Variants in ASTN2 observed in about 807,000 individuals in gnomAD.
ASTN2 encodes the protein astrotactin 2.
In ASTN2, 54 loss-of-function variants were observed where a neutral mutation model predicts 139.8. That is an observed-to-expected ratio of 0.39 (90% CI 0.31 to 0.48). ASTN2 has a LOEUF of 0.48. Ranked by LOEUF, ASTN2 falls within the 20% of genes least tolerant of loss-of-function variation. The probability of loss-of-function intolerance (pLI) is 0.95; values close to 1 mark genes in which losing one functional copy is unlikely to be tolerated. For missense variants in ASTN2, 1,565 were observed against 1,725.1 expected (o/e 0.91, Z 1.64); for synonymous variants, 756 against 719.5 (o/e 1.05, Z -0.81).
At chr9:116,827,085 G>A (rs951043600) in intron 11 of ASTN2, among the ~76,000 whole-genome samples, 6 of 152,028 alleles carry the variant, frequency 3.9e-5, no homozygotes, top group East Asian at 1.9e-4. Context: ...TGAGGTGGGC[G>A]GATCACCTAA....
chr9:117,203,776 G>T (rs1312584883), intron 3 of ASTN2, among the ~76,000 whole-genome samples: 1 of 152,170 alleles, frequency 6.6e-6, no homozygotes, highest in African/African-American at 2.4e-5. Context: ...CCTGATGCCA[G>T]TAGGTTCGCT....
chr9:117,142,458 C>T (rs754658921), intron 3 of ASTN2, among the ~76,000 whole-genome samples: 2 of 152,136 alleles, frequency 1.3e-5, no homozygotes, highest in Admixed American at 6.6e-5. Context: ...AACATATACC[C>T]ATTTTATTGA....
Position 117,414,615 on chromosome 9 carries a change from A to C in ASTN2, c.324T>G (p.Pro108=). Residue 108 remains proline, a synonymous_variant, in exon 1 of 23, where the codon CCT becomes CCG. Coordinates refer to ENST00000313400, the MANE Select transcript of ASTN2 (RefSeq NM_001365068.1). This position sits in a 1 kb window ranked among gnomAD's most constrained non-coding sequence, Gnocchi z 4.2. ...AAAAAASPGS[P]GSAGTAAESR... ...ACTCGGCGGCGGTGCCGGCAGAGCC[A>C]GGAGAGCCCGGGGACGCGGCGGCGG... The C allele has an allele frequency of 6.5e-7, 1 of 1,537,666 alleles. No individual in the cohort carries two copies. Among genetic ancestry groups the C allele is most frequent in the Non-Finnish European group, 8.7e-7 (1 of 1,148,470 alleles).
chr9:116,476,240 C>T (rs1016157819), intron 20 of ASTN2, among the ~76,000 whole-genome samples: 15 of 152,162 alleles, frequency 9.9e-5, no homozygotes, highest in Non-Finnish European at 2.9e-5. Context: ...CTTCTCAGAG[C>T]GGCATCAGTC....
At chr9:117,003,983 G>T (rs564526359) in intron 7 of ASTN2, among the ~76,000 whole-genome samples, 1 of 145,396 alleles carries the variant, frequency 6.9e-6, no homozygotes, top group Non-Finnish European at 1.5e-5. Context: ...TGTGTTTTGC[G>T]TGTTGGGGTA....
At chr9:116,719,677 C>A (rs1344441839) in intron 16 of ASTN2, among the ~76,000 whole-genome samples, 1 of 151,974 alleles carries the variant, frequency 6.6e-6, no homozygotes, top group African/African-American at 2.4e-5. Flanking sequence ...GAGATCATGA[C>A]CATAGAAACA....
chr9:116,683,333 C>T (rs1190383133), intron 16 of ASTN2, among the ~76,000 whole-genome samples: 1 of 152,036 alleles, frequency 6.6e-6, no homozygotes, highest in Non-Finnish European at 1.5e-5. Flanking sequence ...TGGGAAACTT[C>T]TATAATTCTG....
intron 2 of ASTN2, among the ~76,000 whole-genome samples, chr9:117,288,093 C>G (rs961015478): frequency 1.3e-5 from 2 of 152,202 alleles, no homozygotes; most frequent in African/African-American, 4.8e-5. Context: ...ATCCTGCCAC[C>G]TGCACAGCTG....
chr9:116,474,851 G>C (rs910549264), intron 20 of ASTN2, among the ~76,000 whole-genome samples: 1 of 152,222 alleles, frequency 6.6e-6, no homozygotes, highest in Non-Finnish European at 1.5e-5. Context: ...GGTGGGGCTT[G>C]TGATCCCACT....
intron 2 of ASTN2, among the ~76,000 whole-genome samples, chr9:117,269,630 C>T (rs1226966286): frequency 2.0e-5 from 3 of 152,176 alleles, no homozygotes; most frequent in Non-Finnish European, 4.4e-5. Flanking sequence ...CACACTGGGA[C>T]CTACGAGAGC....
intron 2 of ASTN2, among the ~76,000 whole-genome samples, chr9:117,256,688 A>G (rs1248529198): frequency 6.6e-6 from 1 of 152,188 alleles, no homozygotes; most frequent in Non-Finnish European, 1.5e-5. Flanking sequence ...AAGAAGAAGA[A>G]ATAAAGGAGG....
At chr9:116,740,782 G>A (rs1267597576) in intron 13 of ASTN2, among the ~76,000 whole-genome samples, 2 of 151,454 alleles carry the variant, frequency 1.3e-5, no homozygotes, top group African/African-American at 4.9e-5. Flanking sequence ...TCAAAGTGCT[G>A]GGATTACAGG....
intron 6 of ASTN2, among the ~76,000 whole-genome samples, chr9:117,018,813 T>TG (rs1234253631): frequency 1.3e-5 from 2 of 152,042 alleles, no homozygotes; most frequent in Non-Finnish European, 2.9e-5. Context: ...AAAATGGGAT[T>TG]TTTTTTTACT....
intron 10 of ASTN2, among the ~76,000 whole-genome samples, chr9:116,888,902 T>C (rs1288283802): frequency 6.6e-6 from 1 of 152,172 alleles, no homozygotes; most frequent in African/African-American, 2.4e-5. Flanking sequence ...CCTGTGTCCA[T>C]GTGTTCTCAT....
intron 15 of ASTN2, among the ~76,000 whole-genome samples, chr9:116,727,571 G>A (rs974522946): frequency 1.3e-5 from 2 of 152,046 alleles, no homozygotes; most frequent in African/African-American, 2.4e-5. Context: ...TGTTTGATGA[G>A]AACAACCCCT....
intron 16 of ASTN2, among the ~76,000 whole-genome samples, chr9:116,721,516 G>A (rs1173054953): frequency 2.0e-5 from 3 of 152,196 alleles, no homozygotes; most frequent in Admixed American, 2.0e-4. Flanking sequence ...AAAGTATTAT[G>A]CTAGAGGAAG....
chr9:116,432,918 A>G (rs1847542854), intron 22 of ASTN2, among the ~76,000 whole-genome samples: 1 of 152,074 alleles, frequency 6.6e-6, no homozygotes, highest in South Asian at 2.1e-4. Flanking sequence ...TGACAGAGCA[A>G]GACTCCATCT....
At chr9:117,226,956 C>T (rs1832733563) in intron 2 of ASTN2, among the ~76,000 whole-genome samples, 1 of 152,130 alleles carries the variant, frequency 6.6e-6, no homozygotes, top group African/African-American at 2.4e-5. Context: ...CTTCTGAGGT[C>T]AGAAGTAGGG....
chr9:117,062,645 G>A (rs1469570624), intron 5 of ASTN2, among the ~76,000 whole-genome samples: 2 of 152,154 alleles, frequency 1.3e-5, no homozygotes, highest in Non-Finnish European at 2.9e-5. Context: ...CCATGCCCTT[G>A]AGTGCCTATG....
Sources: gnomAD v4.1 joint callset for allele counts (sites outside exome capture counted in the v4.1 genomes callset) on GRCh38, gnomAD v4.1.1 for gene constraint, Gnocchi (gnomAD v3.1) non-coding constraint, MANE v1.5 for transcripts, NCBI Gene and HGNC (gene_info 2026-07-23, HGNC 2026-07-21) for gene names.